Variants in CDCA2 observed in about 807,000 individuals in gnomAD.
CDCA2 encodes cell division cycle-associated protein 2.
Under a neutral mutation model 67.0 loss-of-function variants are expected in CDCA2, and 44 were observed. The ratio of observed to expected loss-of-function variants is 0.66; its 90% CI spans 0.52 to 0.84. CDCA2 has a LOEUF of 0.84. Ranked by LOEUF, CDCA2 falls within the 40% of genes least tolerant of loss-of-function variation. The pLI is 0.00. For synonymous variants in CDCA2, 447 were observed against 418.7 expected (o/e 1.07, Z -0.82); for missense variants, 1,253 against 1,203.2 (o/e 1.04, Z -0.61).
rs59929550 is a variant in CDCA2 at position 25,471,648 on chromosome 8, C to T, written c.820+1668C>T. 2.4e-3 allele frequency among the ~76,000 whole-genome samples: 367 copies of T among 152,264 alleles called. 1 individual carries two copies. The highest frequency in any genetic ancestry group is 8.4e-3 in the African/African-American group (348 of 41,542). On this transcript the variant is annotated intron_variant, in intron 7 of 14. Transcript: ENST00000330560. The stretch of plus-strand genomic sequence containing the variant: ...AAGTGCTGGGATTTGCCACCGTGCC[C>T]GGCCCAACAGTTTCTTAACAATTCT...
intron 5 of CDCA2, among the ~76,000 whole-genome samples, chr8:25,466,898 CAGG>C: frequency 6.6e-6 from 1 of 151,980 alleles, no homozygotes; most frequent in South Asian, 2.1e-4. Context: ...CAAAATTAGC[CAGG>C]CGTGGTGACA....
chr8:25,493,021 A>G (rs955621823), intron 13 of CDCA2, among the ~76,000 whole-genome samples: 2 of 152,160 alleles, frequency 1.3e-5, no homozygotes, highest in East Asian at 3.9e-4. Flanking sequence ...GTGGAAATGG[A>G]TGTTAGAAGC....
chr8:25,472,377 G>T (rs1242957160), intron 7 of CDCA2, among the ~76,000 whole-genome samples: 1 of 151,384 alleles, frequency 6.6e-6, no homozygotes, highest in Non-Finnish European at 1.5e-5. Context: ...TCAGCCTCCC[G>T]AGTAGCTGGG....
chr8:25,483,364 A>T, intron 8 of CDCA2, 35 bp from the exon 9 acceptor site: 1 of 1,370,566 alleles, frequency 7.3e-7, no homozygotes, highest in Non-Finnish European at 1.0e-6. Flanking sequence ...GTATTTCTAT[A>T]TGTAAAATTA....
chr8:25,466,283 G>A lies in CDCA2; in HGVS notation c.496G>A (p.Glu166Lys). The A allele has an allele frequency of 6.2e-7, 1 of 1,610,056 alleles. No individual in the cohort carries two copies. The highest frequency in any genetic ancestry group is 8.5e-7 in the Non-Finnish European group (1 of 1,179,006). ...AAACGAGAAAATGACCGGCTGTCTGGAATTCTCAGAGGCAGGAAAAGAGTC... is the reference window on the plus strand; with the variant it reads ...AAACGAGAAAATGACCGGCTGTCTGAAATTCTCAGAGGCAGGAAAAGAGTC... ...KENEKMTGCL[E>K]FSEAGKESEM... is the part of the protein sequence containing the mutation. Residue 166 changes from glutamate (E) to lysine (K), a missense_variant, in exon 5 of 15, where the codon GAA becomes AAA. Transcript: ENST00000330560.
intron 4 of CDCA2, among the ~76,000 whole-genome samples, chr8:25,464,985 T>A (rs115307133): frequency 0.051 from 7,767 of 152,142 alleles, 668 homozygotes; most frequent in African/African-American, 0.18. Context: ...ATATATATAT[T>A]TTTTCTGAGA....
Position 25,503,536 on chromosome 8 carries a change from T to C in CDCA2, c.1835T>C (p.Leu612Pro), listed in dbSNP as rs754033553. 6.2e-7 allele frequency: 1 copy of C among 1,604,574 alleles called. No homozygotes were observed. The highest frequency in any genetic ancestry group is 1.3e-5 in the African/African-American group (1 of 74,416). The change falls in exon 14 of 15, where the codon CTG becomes CCG. Residue 612 changes from leucine to proline, a missense_variant. Transcript: ENST00000330560. ...CCTTCCATTCCGAGCATCCGAAGAC[T>C]GGGTTCAGGTATCCTGACATTTTCC... ...MTPSIPSIRR[L>P]GSGYFSSNGK... is the part of the protein sequence containing the mutation.
chr8:25,502,807 G>T (rs923863821), intron 13 of CDCA2, among the ~76,000 whole-genome samples: 2 of 152,054 alleles, frequency 1.3e-5, no homozygotes, highest in East Asian at 3.9e-4. Flanking sequence ...CAAGTGCCTT[G>T]TGGAAATGTA....
rs59618544 is a variant in CDCA2 at position 25,467,041 on chromosome 8, C to CAAAAA, written c.538+737_538+741dup. Among the ~76,000 whole-genome samples, 42 of 49,144 alleles carry CAAAAA rather than the reference C, an allele frequency of 8.5e-4. 2 individuals are homozygous for CAAAAA. Among genetic ancestry groups the CAAAAA allele is most frequent in the East Asian group, 1.7e-3 (2 of 1,158 alleles). 32.2% of individuals were successfully genotyped at this position (49,144 alleles called of 152,430 possible). On this transcript the variant is annotated intron_variant, in intron 5 of 14. Transcript: ENST00000330560. ...TGGGCGAAGAAGTGAGAGTCCCTTT[C>CAAAAA]AAAAAAAAAAAAAAAAAAAAAAAAA...
chr8:25,466,824 C>T (rs1038873746), intron 5 of CDCA2, among the ~76,000 whole-genome samples: 1 of 152,004 alleles, frequency 6.6e-6, no homozygotes. Flanking sequence ...GGGAGGATCA[C>T]TTGAGGTCAG....
At chr8:25,461,549 G>A (rs1802689970) in intron 3 of CDCA2, among the ~76,000 whole-genome samples, 1 of 152,170 alleles carries the variant, frequency 6.6e-6, no homozygotes, top group African/African-American at 2.4e-5. Flanking sequence ...ACCTTTAAAA[G>A]GCTGGATTCA....
At chr8:25,491,265 A>T (rs903248430) in intron 13 of CDCA2, among the ~76,000 whole-genome samples, 11 of 152,314 alleles carry the variant, frequency 7.2e-5, no homozygotes, top group African/African-American at 2.6e-4. Flanking sequence ...ATAAAAGAAG[A>T]GGATTTCCCA....
rs1276536932 is a variant in CDCA2, at chr8:25,503,278, G to A, written c.1672-95G>A. 29 of 913,728 alleles carry A rather than the reference G, an allele frequency of 3.2e-5. 1 individual carries two copies. The highest frequency in any genetic ancestry group is 2.4e-4 in the East Asian group (9 of 38,176). The allele number at this position is 913,728 out of a possible 1,614,324, so 56.6% of individuals were successfully genotyped here. A position where few individuals can be genotyped will look rare whatever the true frequency, so the allele number is the denominator to read the frequency against. ...AGCCTGGATGACAAAGTGAGACCCT[G>A]TCTCAAAAATAAATAAAAATAACTA... On this transcript the variant is annotated intron_variant, in intron 13 of 14. Coordinates refer to ENST00000330560, the MANE Select transcript of CDCA2 (RefSeq NM_152562.4).
intron 13 of CDCA2, among the ~76,000 whole-genome samples, chr8:25,491,192 TA>T (rs1803987655): frequency 6.6e-6 from 1 of 152,090 alleles, no homozygotes; most frequent in Non-Finnish European, 1.5e-5. Context: ...AACGAGAATC[TA>T]GGAGACACCA....
chr8:25,481,431 C>T (rs1455682727), intron 8 of CDCA2, among the ~76,000 whole-genome samples: 1 of 152,176 alleles, frequency 6.6e-6, no homozygotes, highest in Non-Finnish European at 1.5e-5. Flanking sequence ...TGGCTTATGC[C>T]TGTAATCCCA....
At chr8:25,505,846 GT>G in intron 14 of CDCA2, among the ~76,000 whole-genome samples, 1 of 152,266 alleles carries the variant, frequency 6.6e-6, no homozygotes, top group South Asian at 2.1e-4. Flanking sequence ...TCTGATGATG[GT>G]TTTTCCACCT....
Position 25,485,809 on chromosome 8 carries a change from TA to T in CDCA2, c.1419del (p.Lys473AsnfsTer31). ...CATTTGCCGTTCTCAGTTCTCCTAA[TA>T]AATCATCAATCTCTGAGACCCTTTC... ...VSFAVLSSPNKSSISETLSGT... is the reference protein window; with the variant it reads ...VSFAVLSSPNXSSISETLSGT... On this transcript the variant is annotated frameshift_variant, in exon 11 of 15. Coordinates refer to ENST00000330560, the MANE Select transcript of CDCA2 (RefSeq NM_152562.4). LOFTEE classifies it high-confidence loss of function. 6.2e-7 allele frequency: 1 copy of T among 1,606,106 alleles called. No homozygotes were observed. The highest frequency in any genetic ancestry group is 8.5e-7 in the Non-Finnish European group (1 of 1,175,266).
At chr8:25,504,030 A>G (rs544610004) in intron 14 of CDCA2, among the ~76,000 whole-genome samples, 3 of 152,118 alleles carry the variant, frequency 2.0e-5, no homozygotes, top group Non-Finnish European at 4.4e-5. Flanking sequence ...CTTAAAAAAA[A>G]AAGGAACAAA....
chr8:25,477,711 C>G (rs1586487057), intron 7 of CDCA2, among the ~76,000 whole-genome samples: 1 of 152,216 alleles, frequency 6.6e-6, no homozygotes, highest in Non-Finnish European at 1.5e-5. Context: ...GGCCTTTTCC[C>G]GGAACTCTTG....
Sources: gnomAD v4.1 joint callset for allele counts (sites outside exome capture counted in the v4.1 genomes callset) on GRCh38, gnomAD v4.1.1 for gene constraint, MANE v1.5 for transcripts, NCBI Gene and HGNC (gene_info 2026-07-23, HGNC 2026-07-21) for gene names.